Variants in NXN observed in about 807,000 individuals in gnomAD.
NXN encodes the protein nucleoredoxin.
NXN carries 16 observed loss-of-function variants against 48.6 expected under a neutral mutation model. The ratio of observed to expected loss-of-function variants is 0.33; its 90% CI spans 0.22 to 0.50. The LOEUF is 0.50. Among genes scored for constraint, NXN ranks in the 20% least tolerant of loss-of-function variants. NXN has a pLI of 0.98. For synonymous variants in NXN, 281 were observed against 269.6 expected, an observed-to-expected ratio of 1.04 and a Z score of -0.41; for missense variants, 492 against 605.5, an observed-to-expected ratio of 0.81 and a Z score of 1.97.
At chr17:906,828 CAA>C (rs2068586190) in intron 1 of NXN, among the ~76,000 whole-genome samples, 1 of 152,030 alleles carries the variant, frequency 6.6e-6, no homozygotes, top group East Asian at 1.9e-4. Flanking sequence ...CTCAGCCTCC[CAA>C]AGTCAGGCTG....
At chr17:833,946 C>CTCAGGCAGAGCTCATGCCT (rs1913640753) in intron 1 of NXN, among the ~76,000 whole-genome samples, 1 of 152,236 alleles carries the variant, frequency 6.6e-6, no homozygotes, top group African/African-American at 2.4e-5. Context: ...TGTTCCTAAA[C>CTCAGGCAGAGCTCATGCCT]TCAGGCAGAG....
Position 966,581 on chromosome 17 carries a change from A to G in NXN, c.360+12738T>C, listed in dbSNP as rs2069306589. On this transcript the variant is annotated intron_variant, in intron 1 of 7. Transcript: ENST00000336868. Reference sequence around the variant, plus strand: ...AGGCTGGTCTCAAACTCCTGACCTCAGGGGATCCGTCGACTTCAGCCTCCC... The same window carrying G: ...AGGCTGGTCTCAAACTCCTGACCTCGGGGGATCCGTCGACTTCAGCCTCCC... Among the ~76,000 whole-genome samples the G allele has an allele frequency of 2.0e-5, 3 of 152,188 alleles. No individual in the cohort carries two copies. The South Asian group carries it at 6.2e-4, about 32-fold the overall frequency.
In NXN at chr17:979,652, G is replaced by A. The variant is rs764346023; in HGVS notation, c.27C>T (p.Leu9=). 2 of 1,473,010 alleles carry A rather than the reference G, an allele frequency of 1.4e-6. No homozygotes were observed. Among genetic ancestry groups the A allele is most frequent in the Non-Finnish European group, 1.8e-6 (2 of 1,112,132 alleles). The allele number at this position is 1,473,010 out of a possible 1,614,324, so 91.2% of individuals were successfully genotyped here. A position where few individuals can be genotyped will look rare whatever the true frequency, so the allele number is the denominator to read the frequency against. MSGFLEEL[L]GEKLVTGGGE... ...CGCCGCCCGTCACCAGCTTCTCGCC[G>A]AGCAGCTCCTCCAGGAAGCCCGACA... The change falls in exon 1 of 8, where the codon CTC becomes CTT. Residue 9 remains leucine (L), a synonymous_variant. Transcript: ENST00000336868.
intron 1 of NXN, chr17:864,020 C>T: frequency 6.5e-7 from 1 of 1,535,246 alleles, no homozygotes. Flanking sequence ...GTTACCGTTG[C>T]TGGGTTCCGG....
At chr17:934,162 G>A (rs562756899) in intron 1 of NXN, among the ~76,000 whole-genome samples, 1 of 151,880 alleles carries the variant, frequency 6.6e-6, no homozygotes, top group Non-Finnish European at 1.5e-5. Context: ...AGCACCCCGG[G>A]AGGCCGGGCG....
intron 1 of NXN, among the ~76,000 whole-genome samples, chr17:908,750 G>C (rs1960635101): frequency 6.6e-6 from 1 of 152,100 alleles, no homozygotes; most frequent in African/African-American, 2.4e-5. Context: ...ATTAGGTGTA[G>C]GATCCATGAA....
At chr17:867,526 G>A (rs1047682064) in intron 1 of NXN, among the ~76,000 whole-genome samples, 3 of 152,212 alleles carry the variant, frequency 2.0e-5, no homozygotes, top group South Asian at 2.1e-4. Context: ...TAAATGACAC[G>A]AAAAGTTTTT....
At position 979,305 on chromosome 17, in the gene NXN, C is replaced by T; in HGVS notation, c.360+14G>A. On this transcript the variant is annotated intron_variant, in intron 1 of 7. Coordinates refer to ENST00000336868, the MANE Select transcript of NXN (RefSeq NM_022463.5). ...GGGGGGCGGGCAGGGGCCGGCGAGGCCCGCGCCGCTCACCTTCCTGTGCTT... is the reference window on the plus strand; with the variant it reads ...GGGGGGCGGGCAGGGGCCGGCGAGGTCCGCGCCGCTCACCTTCCTGTGCTT... The T allele has an allele frequency of 7.2e-7, 1 of 1,391,114 alleles. No individual in the cohort carries two copies. Among genetic ancestry groups the T allele is most frequent in the Non-Finnish European group, 9.4e-7 (1 of 1,064,618 alleles). 86.2% of individuals were successfully genotyped at this position (1,391,114 alleles called of 1,614,324 possible).
At chr17:890,485 T>A (rs985127350) in intron 1 of NXN, among the ~76,000 whole-genome samples, 3 of 152,046 alleles carry the variant, frequency 2.0e-5, no homozygotes. Flanking sequence ...GCCATTCTCC[T>A]GCCTCAGCCT....
intron 1 of NXN, among the ~76,000 whole-genome samples, chr17:840,107 A>AAG (rs957197756): frequency 1.2e-4 from 16 of 137,652 alleles, no homozygotes; most frequent in African/African-American, 3.8e-4. Context: ...AAAAAAAAAA[A>AAG]AGAGAGAGAG....
intron 1 of NXN, among the ~76,000 whole-genome samples, chr17:893,357 G>T (rs1170364490): frequency 6.6e-6 from 1 of 152,238 alleles, no homozygotes; most frequent in Non-Finnish European, 1.5e-5. Context: ...GCTGGAGACA[G>T]AGGCCTAATC....
intron 1 of NXN, among the ~76,000 whole-genome samples, chr17:928,226 A>AC (rs1196601093): frequency 9.2e-5 from 14 of 152,182 alleles, no homozygotes; most frequent in Non-Finnish European, 5.9e-5. Flanking sequence ...GGTCTCAGCC[A>AC]CAGCACCACC....
intron 1 of NXN, among the ~76,000 whole-genome samples, chr17:853,966 C>T (rs2067956875): frequency 6.6e-6 from 1 of 151,858 alleles, no homozygotes; most frequent in Non-Finnish European, 1.5e-5. Flanking sequence ...CTGATCCACC[C>T]ACCTCGGCCT....
At chr17:805,023 C>CCCCCCCCA in intron 6 of NXN, 45 bp downstream of exon 6, 4 of 1,505,598 alleles carry the variant, frequency 2.7e-6, no homozygotes, top group Non-Finnish European at 3.6e-6. Flanking sequence ...CCTCCTGTCC[C>CCCCCCCCA]GCCCCCCAGC....
intron 1 of NXN, among the ~76,000 whole-genome samples, chr17:940,133 T>TG (rs398119614): frequency 0.18 from 27,271 of 151,362 alleles, 2,870 homozygotes; most frequent in Admixed American, 0.29. Flanking sequence ...GAGATCGAGG[T>TG]GGGGGGGTCT....
At chr17:977,107 A>C (rs2069469691) in intron 1 of NXN, among the ~76,000 whole-genome samples, 1 of 152,164 alleles carries the variant, frequency 6.6e-6, no homozygotes, top group African/African-American at 2.4e-5. Flanking sequence ...TGTAATTTCC[A>C]AGAGTATGTG....
At position 892,371 on chromosome 17, in the gene NXN, G is replaced by A. The variant is rs537560187; in HGVS notation, c.361-66293C>T. Among the ~76,000 whole-genome samples, 18 of 152,338 alleles carry A rather than the reference G, an allele frequency of 1.2e-4. No homozygotes were observed. The South Asian group carries it at 3.7e-3, about 32-fold the overall frequency. ...GAATTTAAGACGGTGACAGTTACAG[G>A]AATGTGTGTAGGGATTATGGCTGGA... On this transcript the variant is annotated intron_variant, in intron 1 of 7. Transcript: ENST00000336868.
intron 5 of NXN, 97 bp from the exon 6 acceptor site, chr17:805,344 T>C (rs2144569399): frequency 1.5e-6 from 2 of 1,316,044 alleles, no homozygotes; most frequent in Non-Finnish European, 2.0e-6. Flanking sequence ...CCCCCGACCG[T>C]GGTGGAGCCC....
At chr17:805,827 G>T (rs1236697457) in intron 5 of NXN, among the ~76,000 whole-genome samples, 1 of 151,896 alleles carries the variant, frequency 6.6e-6, no homozygotes, top group African/African-American at 2.4e-5. Context: ...AACAGAGCAA[G>T]ATTCTGTCTC....
Sources: allele counts gnomAD v4.1 joint callset (sites outside exome capture counted in the v4.1 genomes callset), GRCh38; gene constraint gnomAD v4.1.1; transcripts MANE v1.5; gene names NCBI Gene and HGNC (gene_info 2026-07-23, HGNC 2026-07-21).